Variants in SSX2IP observed in about 807,000 individuals in gnomAD.
SSX2IP encodes afadin- and alpha-actinin-binding protein.
SSX2IP carries 55 observed loss-of-function variants against 84.9 expected under a neutral mutation model. That is an observed-to-expected ratio of 0.65 (90% CI 0.52 to 0.81). The LOEUF is 0.81. Ranked by LOEUF, SSX2IP falls within the 30% of genes least tolerant of loss-of-function variation. The pLI, the probability that SSX2IP is intolerant of heterozygous loss-of-function variation, is 0.00. For synonymous variants in SSX2IP, 239 were observed against 234.7 expected (o/e 1.02, Z -0.17); for missense variants, 664 against 705.2 (o/e 0.94, Z 0.66).
In SSX2IP at chr1:84,645,972, C is replaced by T. The variant is rs1649422033; in HGVS notation, c.*1461G>A. ...ATCAGCCCTGAAAAAATGGCTGCTG[C>T]TATGCAACTCCAAAGAGTTACATAG... is the stretch of plus-strand genomic sequence containing the variant. On this transcript the variant is annotated 3_prime_UTR_variant, in exon 14 of 14. Coordinates refer to ENST00000342203, the MANE Select transcript of SSX2IP (RefSeq NM_001166293.2). 1 of 152,166 alleles carries T rather than the reference C, an allele frequency of 6.6e-6. No individual in the cohort carries two copies. Among genetic ancestry groups the T allele is most frequent in the South Asian group, 2.1e-4 (1 of 4,832 alleles). The allele number at this position is 152,166 out of a possible 1,614,324, so 9.4% of individuals were successfully genotyped here. A position where few individuals can be genotyped will look rare whatever the true frequency, so the allele number is the denominator to read the frequency against.
chr1:84,688,039 C>T (rs1053964803), intron 1 of SSX2IP, among the ~76,000 whole-genome samples: 1 of 151,958 alleles, frequency 6.6e-6, no homozygotes, highest in Non-Finnish European at 1.5e-5. Context: ...TTCCTCAAGG[C>T]AACACTCATC....
At chr1:84,652,801 G>A (rs193231298) in intron 11 of SSX2IP, among the ~76,000 whole-genome samples, 172 of 152,140 alleles carry the variant, frequency 1.1e-3, no homozygotes, top group African/African-American at 4.0e-3. Flanking sequence ...CAAGGCGGGT[G>A]GATCACGAGG....
Position 84,669,827 on chromosome 1 carries a change from ACT to A in SSX2IP, c.278_279del (p.Glu93ValfsTer12), listed in dbSNP as rs1358518962. Reference sequence around the variant, plus strand: ...CAATTTAGTACAGCTACTATATTTAACTCTCTCTTTGTCTCTTTACCTTTGGA... The same window carrying A: ...CAATTTAGTACAGCTACTATATTTAACTCTCTTTGTCTCTTTACCTTTGGA... ...EESKGKETKRELNIVAVLNCM... is the reference protein window; with the variant it reads ...EESKGKETKRXLNIVAVLNCM... On this transcript the variant is annotated frameshift_variant, in exon 4 of 14. Coordinates refer to ENST00000342203, the MANE Select transcript of SSX2IP (RefSeq NM_001166293.2). LOFTEE classifies it high-confidence loss of function. 5 of 1,613,606 alleles carry A rather than the reference ACT, an allele frequency of 3.1e-6. No homozygotes were observed. Among genetic ancestry groups the A allele is most frequent in the Middle Eastern group, 1.7e-4 (1 of 6,060 alleles).
chr1:84,674,371 T>C (rs1185652693), intron 1 of SSX2IP, among the ~76,000 whole-genome samples: 1 of 152,160 alleles, frequency 6.6e-6, no homozygotes, highest in Non-Finnish European at 1.5e-5. Flanking sequence ...GTACCGCTGC[T>C]CTTAATAAAG....
chr1:84,664,150 T>C (rs1054906476), intron 6 of SSX2IP, among the ~76,000 whole-genome samples: 1 of 152,202 alleles, frequency 6.6e-6, no homozygotes, highest in Non-Finnish European at 1.5e-5. Flanking sequence ...AAAATTAGAA[T>C]GTCCTCTGGC....
chr1:84,687,470 C>T (rs547279707), intron 1 of SSX2IP, among the ~76,000 whole-genome samples: 1 of 152,304 alleles, frequency 6.6e-6, no homozygotes, highest in Non-Finnish European at 1.5e-5. Context: ...TCCTACTGAA[C>T]TGCAGGTTGC....
chr1:84,657,544 C>T (rs534344414), intron 9 of SSX2IP, among the ~76,000 whole-genome samples: 3 of 151,668 alleles, frequency 2.0e-5, no homozygotes, highest in Non-Finnish European at 4.4e-5. Flanking sequence ...ATAAATATTT[C>T]TTGATTTTTG....
At chr1:84,662,616 G>A (rs556267264) in intron 6 of SSX2IP, 86 bp from the exon 7 acceptor site, 1 of 1,442,310 alleles carries the variant, frequency 6.9e-7, no homozygotes, top group East Asian at 2.3e-5. Context: ...CGTAAGTGGT[G>A]AAAGTGAACC....
intron 13 of SSX2IP, among the ~76,000 whole-genome samples, chr1:84,648,424 T>A (rs951501769): frequency 1.1e-4 from 17 of 152,226 alleles, no homozygotes; most frequent in African/African-American, 4.1e-4. Flanking sequence ...TGTTTACATA[T>A]ATTTTTATTT....
At chr1:84,658,742 T>C (rs1325464146) in intron 8 of SSX2IP, among the ~76,000 whole-genome samples, 2 of 152,218 alleles carry the variant, frequency 1.3e-5, no homozygotes, top group East Asian at 1.9e-4. Flanking sequence ...ACCTGTCTAA[T>C]GTGTTGGATG....
At chr1:84,660,915 A>T (rs1331181220) in intron 8 of SSX2IP, among the ~76,000 whole-genome samples, 1 of 149,936 alleles carries the variant, frequency 6.7e-6, no homozygotes, top group African/African-American at 2.4e-5. Flanking sequence ...AAAAAAAAAA[A>T]AATTAGCCGG....
intron 11 of SSX2IP, 39 bp downstream of exon 11, chr1:84,655,793 C>A (rs1326614270): frequency 1.9e-6 from 3 of 1,597,520 alleles, no homozygotes; most frequent in South Asian, 1.1e-5. Context: ...GCCCACCCAC[C>A]CCCAGTATTT....
At chr1:84,672,734 GA>G (rs1557512248) in intron 1 of SSX2IP, among the ~76,000 whole-genome samples, 1 of 152,286 alleles carries the variant, frequency 6.6e-6, no homozygotes, top group East Asian at 1.9e-4. Flanking sequence ...AGTGTTAAAT[GA>G]AAATTTAGTC....
At chr1:84,650,083 T>C in intron 13 of SSX2IP, 1 of 624,708 alleles carries the variant, frequency 1.6e-6, no homozygotes, top group Non-Finnish European at 2.8e-6. Context: ...TAAGACTACA[T>C]TCTAAATTGT....
At chr1:84,680,652 G>GA (rs545300434) in intron 1 of SSX2IP, among the ~76,000 whole-genome samples, 3,603 of 148,178 alleles carry the variant, frequency 0.024, 56 homozygotes, top group Non-Finnish European at 0.032. Context: ...TAGTCCTCAG[G>GA]AAAAAAAAAC....
In SSX2IP at chr1:84,645,627, G is replaced by A. The variant is rs1230664923; in HGVS notation, c.*1806C>T. On this transcript the variant is annotated 3_prime_UTR_variant, in exon 14 of 14. Transcript: ENST00000342203. Reference sequence around the variant, plus strand: ...CAAAGTACACCATGGAAAACCCTCGGGGGAAAATTGTTGCCAAATGTATCC... The same window carrying A: ...CAAAGTACACCATGGAAAACCCTCGAGGGAAAATTGTTGCCAAATGTATCC... 1.3e-5 allele frequency: 2 copies of A among 152,068 alleles called. No individual in the cohort carries two copies. Among genetic ancestry groups the A allele is most frequent in the African/African-American group, 4.8e-5 (2 of 41,424 alleles). 9.4% of individuals were successfully genotyped at this position (152,068 alleles called of 1,614,324 possible).
intron 1 of SSX2IP, among the ~76,000 whole-genome samples, chr1:84,689,739 G>A (rs549677575): frequency 6.6e-6 from 1 of 152,336 alleles, no homozygotes; most frequent in South Asian, 2.1e-4. Context: ...TCAGTTTACT[G>A]TCGTTGACTA....
chr1:84,655,479 A>G (rs1650944260), intron 11 of SSX2IP: 1 of 1,306,550 alleles, frequency 7.7e-7, no homozygotes, highest in African/African-American at 1.5e-5. Flanking sequence ...TAAACAGCAA[A>G]TATAGTCTTG....
chr1:84,670,490 C>G (rs566616518), intron 3 of SSX2IP, 156 bp downstream of exon 3: 208 of 499,912 alleles, frequency 4.2e-4, no homozygotes, highest in Non-Finnish European at 6.4e-4. Context: ...CTTGCTATCT[C>G]TAGATGAGAT....
Sources: allele counts gnomAD v4.1 joint callset (sites outside exome capture counted in the v4.1 genomes callset), GRCh38; gene constraint gnomAD v4.1.1; transcripts MANE v1.5; gene names NCBI Gene and HGNC (gene_info 2026-07-23, HGNC 2026-07-21).